FXR2: variants seen among roughly 807,000 people sequenced by gnomAD.
FXR2 encodes the protein FMR1 autosomal homolog 2.
A neutral mutation model predicts 87.3 loss-of-function variants in FXR2; 9 were observed. The observed-to-expected ratio is 0.10, with a 90% CI of 0.06 to 0.18. FXR2 has a LOEUF of 0.18. Ranked by LOEUF, FXR2 falls within the 10% of genes least tolerant of loss-of-function variation. The pLI is 1.00. For missense variants in FXR2, 661 were observed against 893.6 expected, an observed-to-expected ratio of 0.74 and a Z score of 3.32; for synonymous variants, 331 against 328.3, an observed-to-expected ratio of 1.01 and a Z score of -0.09.
chr17:7,601,687 G>T (rs2071757278), intron 6 of FXR2, among the ~76,000 whole-genome samples, 162 bp from the exon 7 acceptor site: 1 of 152,216 alleles, frequency 6.6e-6, no homozygotes, highest in South Asian at 2.1e-4. Context: ...CCAGGACTTT[G>T]GGAGGCCAAG....
chr17:7,593,439 G>GGCCCCCATAGCT lies in FXR2; in HGVS notation c.1282_1293dup (p.Ser428_Gly431dup), dbSNP rs768030074. 1.9e-6 allele frequency: 3 copies of GGCCCCCATAGCT among 1,585,512 alleles called. No homozygotes were observed. The highest frequency in any genetic ancestry group is 2.6e-6 in the Non-Finnish European group (3 of 1,166,656). ...CCGCCTGTCCTCCGGCCACGGCCAC[G>GGCCCCCATAGCT]GCCCCCATAGCTGCCCCCATAGGTT... is the stretch of plus-strand genomic sequence containing the variant. On this transcript the variant is annotated inframe_insertion, in exon 12 of 17. Coordinates refer to ENST00000250113, the MANE Select transcript of FXR2 (RefSeq NM_004860.4). This position sits in a 1 kb window ranked among gnomAD's most constrained non-coding sequence, Gnocchi z 6.1.
chr17:7,596,358 A>T (rs2150941621), intron 7 of FXR2: 1 of 160,404 alleles, frequency 6.2e-6, no homozygotes, highest in South Asian at 1.6e-4. Flanking sequence ...AGGTTTCACC[A>T]TGTTGGCCAG....
At position 7,594,162 on chromosome 17, in the gene FXR2, C is replaced by T; in HGVS notation, c.1020+76G>A. 1 of 965,040 alleles carries T rather than the reference C, an allele frequency of 1.0e-6. No homozygotes were observed. Among genetic ancestry groups the T allele is most frequent in the Non-Finnish European group, 1.7e-6 (1 of 602,712 alleles). The allele number at this position is 965,040 out of a possible 1,614,324, so 59.8% of individuals were successfully genotyped here. ...TTCCGTACTCCACCCTCTCAAAGAA[C>T]AATCCCAGCCCTCAGAGGACAATCC... is the stretch of plus-strand genomic sequence containing the variant. On this transcript the variant is annotated intron_variant, in intron 10 of 16. Coordinates refer to ENST00000250113, the MANE Select transcript of FXR2 (RefSeq NM_004860.4). The surrounding 1 kb of genome is among the most constrained non-coding windows in gnomAD (Gnocchi z 5.1).
At chr17:7,605,154 A>G (rs2071793026) in intron 3 of FXR2, among the ~76,000 whole-genome samples, 1 of 143,250 alleles carries the variant, frequency 7.0e-6, no homozygotes, top group African/African-American at 3.0e-5. Context: ...GGATCACCTG[A>G]AGTCAGAAAT....
At chr17:7,610,012 ATATACATGTATATG>A (rs1488961297) in intron 1 of FXR2, among the ~76,000 whole-genome samples, 2 of 119,804 alleles carry the variant, frequency 1.7e-5, no homozygotes, top group Non-Finnish European at 3.9e-5. Context: ...ATACATATAT[ATATACATGTATATG>A]TATACATGTA....
intron 3 of FXR2, among the ~76,000 whole-genome samples, chr17:7,604,730 T>G (rs1257250997): frequency 1.3e-5 from 2 of 150,874 alleles, no homozygotes; most frequent in Non-Finnish European, 3.0e-5. Flanking sequence ...TCTTTTTTTT[T>G]TTTTTTTTGA....
Position 7,592,878 on chromosome 17 carries a change from G to T in FXR2, c.1545C>A (p.Asp515Glu). ...TGTCCAATAGGCTGTAGGGATTACT[G>T]TCTGGATCCTTCAGCACTGGTCAGA... The part of the protein sequence containing the change: ...SSISSVLKDP[D>E]SNPYSLLDTS... The change falls in exon 14 of 17, where the codon GAC becomes GAA. Residue 515 changes from aspartate to glutamate, a missense_variant. By Grantham distance (45) the Asp-to-Glu change is conservative (BLOSUM62 2). Around this residue, in one of 3 missense-constraint regions of FXR2, gnomAD observed 409 missense variants for 432.0 expected, o/e 0.95. Transcript: ENST00000250113. The surrounding 1 kb of genome is among the most constrained non-coding windows in gnomAD (Gnocchi z 4.8). The T allele has an allele frequency of 1.3e-6, 2 of 1,586,066 alleles. No homozygotes were observed. Among genetic ancestry groups the T allele is most frequent in the Non-Finnish European group, 1.7e-6 (2 of 1,165,016 alleles).
chr17:7,610,450 C>T (rs756463549), intron 1 of FXR2, among the ~76,000 whole-genome samples: 3 of 152,194 alleles, frequency 2.0e-5, no homozygotes, highest in Non-Finnish European at 4.4e-5. Context: ...GCAATATTAC[C>T]CTAGTTTTCC....
intron 7 of FXR2, among the ~76,000 whole-genome samples, chr17:7,596,841 G>A (rs186322556): frequency 1.3e-5 from 2 of 152,236 alleles, no homozygotes; most frequent in African/African-American, 4.8e-5. Context: ...GGTGGCTCAC[G>A]CCTGTAATTC....
rs1227324148 is a variant in FXR2, at chr17:7,595,839, G to A, written c.816C>T (p.Phe272=). Residue 272 remains phenylalanine (F), a synonymous_variant, in exon 8 of 17, where the codon TTC becomes TTT. Transcript: ENST00000250113. This position sits in a 1 kb window ranked among gnomAD's most constrained non-coding sequence, Gnocchi z 4.7. ...CTTTGCTGACCTCCCCATAGATGCG[G>A]AAAGTGCAGGTCTCTTCACCCAACT... ...AIELGEETCT[F]RIYGETPEAC... is the part of the protein sequence containing the mutation. 1.2e-6 allele frequency: 2 copies of A among 1,613,726 alleles called. No individual in the cohort carries two copies. Among genetic ancestry groups the A allele is most frequent in the Admixed American group, 1.7e-5 (1 of 59,978 alleles).
intron 6 of FXR2, among the ~76,000 whole-genome samples, chr17:7,602,369 G>A (rs541448996): frequency 6.6e-6 from 1 of 152,218 alleles, no homozygotes; most frequent in Non-Finnish European, 1.5e-5. Flanking sequence ...TTCAGGACCA[G>A]CCTGGCCAAC....
chr17:7,596,244 G>A (rs1304201847), intron 7 of FXR2: 4 of 332,078 alleles, frequency 1.2e-5, no homozygotes, highest in Admixed American at 4.6e-5. Flanking sequence ...TGCAACCTCC[G>A]CCTCTCGACT....
chr17:7,614,144 A>T (rs1396679974), intron 1 of FXR2: 1 of 604,454 alleles, frequency 1.7e-6, no homozygotes, highest in Non-Finnish European at 3.1e-6. Flanking sequence ...GACACAGTCA[A>T]TTAGAAGCTG....
chr17:7,602,553 G>A (rs1176503692), intron 6 of FXR2, among the ~76,000 whole-genome samples: 1 of 149,552 alleles, frequency 6.7e-6, no homozygotes, highest in African/African-American at 2.5e-5. Context: ...GGGCGACAGA[G>A]TGAGATTCCA....
In FXR2 at chr17:7,593,447, T is replaced by G. The variant is rs372345788; in HGVS notation, c.1286A>C (p.Tyr429Ser). ...CCTCCGGCCACGGCCACGGCCCCCA[T>G]AGCTGCCCCCATAGGTTCGAGTCGC... Reference protein sequence around the residue: ...LHATRTYGGSYGGRGRGRRTG... With the variant: ...LHATRTYGGSSGGRGRGRRTG... The change falls in exon 12 of 17, where the codon TAT becomes TCT. Residue 429 changes from tyrosine to serine, a missense_variant. Around this residue, in one of 3 missense-constraint regions of FXR2, gnomAD observed 409 missense variants for 432.0 expected, o/e 0.95. Coordinates refer to ENST00000250113, the MANE Select transcript of FXR2 (RefSeq NM_004860.4). This position sits in a 1 kb window ranked among gnomAD's most constrained non-coding sequence, Gnocchi z 6.1. 1.6e-4 allele frequency: 253 copies of G among 1,588,710 alleles called. No individual in the cohort carries two copies. The highest frequency in any genetic ancestry group is 2.0e-4 in the Non-Finnish European group (238 of 1,168,448).
chr17:7,614,519 GC>G lies in FXR2; in HGVS notation c.13del (p.Ala5ProfsTer26). The G allele has an allele frequency of 6.7e-7, 1 of 1,498,414 alleles. No homozygotes were observed. The highest frequency in any genetic ancestry group is 2.8e-5 in the East Asian group (1 of 35,964). The allele number at this position is 1,498,414 out of a possible 1,614,324, so 92.8% of individuals were successfully genotyped here. On this transcript the variant is annotated frameshift_variant, in exon 1 of 17. Transcript: ENST00000250113. LOFTEE classifies it high-confidence loss of function. MGGL[A>X]SGGDVEPGLP... ...TCCCGGCTCCACATCCCCCCCAGAGGCCAGGCCGCCCATGGCGCCGCCACCG... is the reference window on the plus strand; with the variant it reads ...TCCCGGCTCCACATCCCCCCCAGAGGCAGGCCGCCCATGGCGCCGCCACCG...
intron 3 of FXR2, among the ~76,000 whole-genome samples, chr17:7,604,402 G>GA (rs201181073): frequency 2.7e-5 from 4 of 150,316 alleles, no homozygotes; most frequent in East Asian, 2.0e-4. Flanking sequence ...CCACTTCCAC[G>GA]AAAAAAAAAG....
intron 1 of FXR2, among the ~76,000 whole-genome samples, chr17:7,613,523 G>A (rs539602742): frequency 3.2e-4 from 48 of 152,088 alleles, no homozygotes; most frequent in Non-Finnish European, 5.6e-4. Flanking sequence ...AATAAGGAAG[G>A]GTCTTTGAAA....
intron 1 of FXR2, among the ~76,000 whole-genome samples, chr17:7,613,241 T>C (rs1171871071): frequency 1.3e-5 from 2 of 151,978 alleles, no homozygotes; most frequent in African/African-American, 4.8e-5. Flanking sequence ...AGTGATGCCA[T>C]GGGAAGGTAT....
Sources: allele counts gnomAD v4.1 joint callset (sites outside exome capture counted in the v4.1 genomes callset), GRCh38; gene constraint gnomAD v4.1.1; regional missense constraint gnomAD v4.1.1; non-coding constraint Gnocchi (gnomAD v3.1); transcripts MANE v1.5; gene names NCBI Gene and HGNC (gene_info 2026-07-23, HGNC 2026-07-21).